RBFOX1: variants seen among roughly 807,000 people sequenced by gnomAD.
RBFOX1 encodes the protein RNA binding fox-1 homolog 1.
In RBFOX1, 8 loss-of-function variants were observed where a neutral mutation model predicts 57.7. The observed-to-expected ratio is 0.14, with a 90% confidence interval of 0.08 to 0.25. The LOEUF is 0.25. RBFOX1 is among the 10% of genes least tolerant of loss of function. The probability of loss-of-function intolerance (pLI) is 1.00; values close to 1 mark genes in which losing one functional copy is unlikely to be tolerated. For missense variants in RBFOX1, 611 were observed against 548.5 expected (o/e 1.11, Z -1.14); for synonymous variants, 326 against 222.4 (o/e 1.47, Z -4.15).
At chr16:6,454,882 T>G (rs150720737) in intron 2 of RBFOX1, among the ~76,000 whole-genome samples, 62 of 9,602 alleles carry the variant, frequency 6.5e-3, no homozygotes, top group South Asian at 0.014. Context: ...TTTTTTTTTT[T>G]TTTTTTTTTT....
chr16:7,160,983 G>T (rs1470567408), intron 4 of RBFOX1, among the ~76,000 whole-genome samples: 1 of 152,188 alleles, frequency 6.6e-6, no homozygotes, highest in Non-Finnish European at 1.5e-5. Flanking sequence ...TTAGGAAAAA[G>T]AAGCTAACCC....
At chr16:6,855,642 G>T (rs1324397382) in intron 3 of RBFOX1, among the ~76,000 whole-genome samples, 2 of 128,432 alleles carry the variant, frequency 1.6e-5, no homozygotes, top group South Asian at 2.7e-4. Context: ...AACAGAGTGA[G>T]ACTCCATCTC....
At chr16:6,241,242 G>C (rs1598720578) in intron 1 of RBFOX1, among the ~76,000 whole-genome samples, 1 of 152,292 alleles carries the variant, frequency 6.6e-6, no homozygotes, top group South Asian at 2.1e-4. Flanking sequence ...ATGAAGCCAT[G>C]CCTATTTAAA....
chr16:6,899,279 T>A (rs566215209), intron 3 of RBFOX1, among the ~76,000 whole-genome samples: 1 of 152,120 alleles, frequency 6.6e-6, no homozygotes, highest in Non-Finnish European at 1.5e-5. Context: ...TGTGCATGTA[T>A]GTGTGTATAA....
At chr16:5,500,143 TCCTTCCC>T (rs1405451321) in intron 2 of RBFOX1, among the ~76,000 whole-genome samples, 2 of 107,574 alleles carry the variant, frequency 1.9e-5, no homozygotes, top group African/African-American at 7.2e-5. Flanking sequence ...CCTCCTTCCC[TCCTTCCC>T]TTCCTCCCCT....
chr16:5,912,293 A>ACACATT (rs2058619108), intron 4 of RBFOX1, among the ~76,000 whole-genome samples: 1 of 152,210 alleles, frequency 6.6e-6, no homozygotes, highest in African/African-American at 2.4e-5. Context: ...AATGAAGCTC[A>ACACATT]CCGTATCATT....
chr16:7,678,621 TGAA>T (rs1024878394), intron 14 of RBFOX1, among the ~76,000 whole-genome samples: 1 of 151,624 alleles, frequency 6.6e-6, no homozygotes, highest in African/African-American at 2.4e-5. Flanking sequence ...ATCCCCAAGT[TGAA>T]AAAAAAAGAT....
chr16:6,776,293 C>T (rs1312072636), intron 3 of RBFOX1, among the ~76,000 whole-genome samples: 12 of 152,020 alleles, frequency 7.9e-5, no homozygotes, highest in Admixed American at 7.9e-4. Flanking sequence ...TGCCTGTAGT[C>T]CCAGCTACTC....
intron 3 of RBFOX1, among the ~76,000 whole-genome samples, chr16:6,993,632 G>A (rs193074036): frequency 6.8e-4 from 104 of 152,226 alleles, no homozygotes; most frequent in Middle Eastern, 3.4e-3. Context: ...CCACTCAGCC[G>A]GGCCACTTCT....
chr16:5,249,468 C>T (rs1421919504), intron 1 of RBFOX1, among the ~76,000 whole-genome samples: 1 of 152,158 alleles, frequency 6.6e-6, no homozygotes, highest in African/African-American at 2.4e-5. Flanking sequence ...CGTGCACGGC[C>T]CTCTTGACTG....
chr16:7,160,747 A>G lies in RBFOX1; in HGVS notation c.27+108649A>G, dbSNP rs117826212. Among the ~76,000 whole-genome samples the G allele has an allele frequency of 0.01, 1,545 of 150,602 alleles. 42 individuals carry two copies. The East Asian group carries it at 0.11, about 11-fold the overall frequency. On this transcript the variant is annotated intron_variant, in intron 4 of 15. Transcript: ENST00000550418. ...AGGCAGTTTCTTAACATAGGTACCT[A>G]TGTCTATTCCTCCTCCTCCTCCGCC...
chr16:7,658,030 G>C (rs997448620), intron 12 of RBFOX1, among the ~76,000 whole-genome samples: 7 of 152,206 alleles, frequency 4.6e-5, no homozygotes, highest in African/African-American at 1.7e-4. Context: ...TTAAGCGAGA[G>C]TGGGGGATAT....
intron 3 of RBFOX1, among the ~76,000 whole-genome samples, chr16:5,776,906 A>G (rs1478739773): frequency 6.6e-6 from 1 of 152,218 alleles, no homozygotes; most frequent in African/African-American, 2.4e-5. Context: ...ATGGATGTCT[A>G]CTGAGCACGT....
intron 4 of RBFOX1, among the ~76,000 whole-genome samples, chr16:7,205,360 ATAC>A (rs2089709107): frequency 6.6e-6 from 1 of 151,924 alleles, no homozygotes; most frequent in South Asian, 2.1e-4. Flanking sequence ...TCTACTAAAA[ATAC>A]AAAAATTAGC....
At chr16:6,819,000 A>G (rs1360971938) in intron 3 of RBFOX1, among the ~76,000 whole-genome samples, 1 of 152,072 alleles carries the variant, frequency 6.6e-6, no homozygotes, top group Non-Finnish European at 1.5e-5. Context: ...CAAACTTGAC[A>G]CAGAGGAAAA....
chr16:7,140,636 A>C (rs1007256282), intron 4 of RBFOX1, among the ~76,000 whole-genome samples: 2 of 152,226 alleles, frequency 1.3e-5, no homozygotes, highest in African/African-American at 4.8e-5. Context: ...GGCAGAGCTC[A>C]TCAATATCTG....
At position 7,403,980 on chromosome 16, in the gene RBFOX1, G is replaced by A. The variant is rs141030089; in HGVS notation, c.28-114167G>A. On this transcript the variant is annotated intron_variant, in intron 4 of 15. Transcript: ENST00000550418. ...GGGTGCTTAAGTTGTTTTTATTATT[G>A]TGAATATGCCGCAGTGAACATGGGA... 5.8e-3 allele frequency among the ~76,000 whole-genome samples: 875 copies of A among 150,160 alleles called. 12 individuals carry two copies. The highest frequency in any genetic ancestry group is 0.021 in the African/African-American group (844 of 41,164).
At chr16:6,999,549 A>T (rs1434509564) in intron 3 of RBFOX1, among the ~76,000 whole-genome samples, 3 of 152,086 alleles carry the variant, frequency 2.0e-5, no homozygotes, top group African/African-American at 7.2e-5. Context: ...AAAAAAACAC[A>T]AAAGTAGAAT....
chr16:5,991,559 T>G (rs948619363), intron 4 of RBFOX1, among the ~76,000 whole-genome samples: 30 of 152,232 alleles, frequency 2.0e-4, no homozygotes, highest in African/African-American at 7.0e-4. Context: ...CTGGGAGATC[T>G]GTACTCAATG....
Sources: gnomAD v4.1 joint callset for allele counts (sites outside exome capture counted in the v4.1 genomes callset) on GRCh38, gnomAD v4.1.1 for gene constraint, MANE v1.5 for transcripts, NCBI Gene and HGNC (gene_info 2026-07-23, HGNC 2026-07-21) for gene names.